Variants in DNAH6 observed in about 807,000 individuals in gnomAD.
The protein encoded by DNAH6 is axonemal beta dynein heavy chain 6.
A neutral mutation model predicts 491.4 loss-of-function variants in DNAH6; 340 were observed. The ratio of observed to expected loss-of-function variants is 0.69; its 90% CI spans 0.63 to 0.76. DNAH6 has a LOEUF of 0.76. Among genes scored for constraint, DNAH6 ranks in the 30% least tolerant of loss-of-function variants. The probability of loss-of-function intolerance (pLI) is 0.00; values close to 1 mark genes in which losing one functional copy is unlikely to be tolerated. For synonymous variants in DNAH6, 1,603 were observed against 1,686.1 expected (o/e 0.95, Z 1.21); for missense variants, 4,443 against 4,972.2 (o/e 0.89, Z 3.20).
At chr2:84,534,327 T>A (rs573479975) in intron 4 of DNAH6, among the ~76,000 whole-genome samples, 34 of 152,118 alleles carry the variant, frequency 2.2e-4, no homozygotes, top group South Asian at 8.3e-4. Context: ...TTTCTAATAT[T>A]TGTATGGTTA....
chr2:84,671,106 T>C (rs1443212322), intron 39 of DNAH6, among the ~76,000 whole-genome samples: 2 of 152,094 alleles, frequency 1.3e-5, no homozygotes, highest in Non-Finnish European at 2.9e-5. Context: ...TGTAGGAGGC[T>C]GGAGTATGCA....
chr2:84,733,439 A>G lies in DNAH6; in HGVS notation c.10207-5A>G. ...AATTATTATTCATTTTCTGTCTTCA[A>G]ACAGGAACGCCCACCTAAGCCTGAA... On this transcript the variant is annotated splice_polypyrimidine_tract_variant and splice_region_variant and intron_variant, in intron 61 of 76. Transcript: ENST00000389394. The G allele has an allele frequency of 6.5e-7, 1 of 1,549,282 alleles. No homozygotes were observed. The highest frequency in any genetic ancestry group is 1.2e-5 in the South Asian group (1 of 83,676).
At chr2:84,562,778 T>C (rs1386042256) in intron 11 of DNAH6, among the ~76,000 whole-genome samples, 1 of 152,180 alleles carries the variant, frequency 6.6e-6, no homozygotes, top group African/African-American at 2.4e-5. Flanking sequence ...AAGTGAAATA[T>C]CACCTAGCAG....
At position 84,694,265 on chromosome 2, in the gene DNAH6, C is replaced by T. The variant is rs1224956365; in HGVS notation, c.7309C>T (p.Arg2437Cys). 8 of 1,551,910 alleles carry T rather than the reference C, an allele frequency of 5.2e-6. No individual in the cohort carries two copies. Among genetic ancestry groups the T allele is most frequent in the East Asian group, 4.9e-5 (2 of 40,916 alleles). ...TGTTTGCAGGATTGCTCGGATGATA[C>T]GTCAAGAAAGAGGCAATGCCCTGCT... is the stretch of plus-strand genomic sequence containing the variant. ...EHVSRIARMI[R>C]QERGNALLVG... is the part of the protein sequence containing the mutation. Residue 2437 changes from arginine to cysteine, a missense_variant, in exon 46 of 77, where the codon CGT (arginine) becomes TGT (cysteine). Physicochemically the swap from Arg to Cys is radical, Grantham distance 180. This residue lies in a region of DNAH6 where 2,977 missense variants were observed against 3,296.6 expected (regional missense o/e 0.90). Transcript: ENST00000389394.
At chr2:84,657,612 T>C (rs1691100737) in intron 35 of DNAH6, among the ~76,000 whole-genome samples, 2 of 152,052 alleles carry the variant, frequency 1.3e-5, no homozygotes, top group South Asian at 4.1e-4. Context: ...TTCCAATTGC[T>C]CCTTGCTGGT....
chr2:84,636,617 A>AAAAC (rs1192741462), intron 30 of DNAH6, among the ~76,000 whole-genome samples: 1 of 152,212 alleles, frequency 6.6e-6, no homozygotes, highest in African/African-American at 2.4e-5. Flanking sequence ...GGTGGTGACA[A>AAAAC]AAACAGTGAC....
In DNAH6 at chr2:84,697,783, T is replaced by G. The variant is rs374433309; in HGVS notation, c.7677+56T>G. The G allele has an allele frequency of 4.3e-5, 66 of 1,541,016 alleles. 1 individual carries two copies. In the East Asian group the frequency reaches 4.7e-4, roughly 11 times the overall value. The stretch of plus-strand genomic sequence containing the variant: ...TATCACAAAAACGTTTCTTCACCTT[T>G]TATTTAACCATTCATTGATTGCCTG... On this transcript the variant is annotated intron_variant, in intron 47 of 76. Transcript: ENST00000389394.
intron 75 of DNAH6, 143 bp downstream of exon 75, chr2:84,814,265 T>G: frequency 2.6e-6 from 2 of 768,102 alleles, no homozygotes; most frequent in South Asian, 3.8e-5. Flanking sequence ...ACCTCCAAGA[T>G]AAGCTCCCCA....
rs187243535 is a variant in DNAH6 at position 84,579,730 on chromosome 2, G to A, written c.2229+51G>A. 7,416 of 1,448,270 alleles carry A rather than the reference G, an allele frequency of 5.1e-3. 28 individuals are homozygous for A. The highest frequency in any genetic ancestry group is 6.1e-3 in the Non-Finnish European group (6,610 of 1,083,098). 89.7% of individuals were successfully genotyped at this position (1,448,270 alleles called of 1,614,324 possible). On this transcript the variant is annotated intron_variant, in intron 14 of 76. Coordinates refer to ENST00000389394, the MANE Select transcript of DNAH6 (RefSeq NM_001370.2). Reference sequence around the variant, plus strand: ...AATATTCCAGATCTTATAGTAGGAAGGAAGACATAGGACAAGAAAAAGTGA... The same window carrying A: ...AATATTCCAGATCTTATAGTAGGAAAGAAGACATAGGACAAGAAAAAGTGA...
At chr2:84,666,473 G>T (rs1692138727) in intron 37 of DNAH6, among the ~76,000 whole-genome samples, 1 of 152,112 alleles carries the variant, frequency 6.6e-6, no homozygotes. Flanking sequence ...CAAACAGAGA[G>T]CCAAATCATG....
intron 46 of DNAH6, among the ~76,000 whole-genome samples, chr2:84,695,538 TAA>T (rs1695299111): frequency 6.6e-6 from 1 of 152,114 alleles, no homozygotes; most frequent in Non-Finnish European, 1.5e-5. Flanking sequence ...GTAATGTTTT[TAA>T]ATAATAATCT....
chr2:84,517,929 AGAG>A lies in DNAH6; in HGVS notation c.104_106del (p.Arg35_Val36delinsMet). On this transcript the variant is annotated inframe_deletion, in exon 2 of 77. Transcript: ENST00000389394. ...ACTGAATAATATAAAAGCCAAACAA[AGAG>A]TGAGTTATGTGACATCCACAGAAAA... The A allele has an allele frequency of 6.4e-7, 1 of 1,551,672 alleles. No homozygotes were observed. The highest frequency in any genetic ancestry group is 8.7e-7 in the Non-Finnish European group (1 of 1,146,986).
intron 3 of DNAH6, among the ~76,000 whole-genome samples, chr2:84,528,427 C>G (rs919881195): frequency 6.6e-6 from 1 of 152,146 alleles, no homozygotes; most frequent in Admixed American, 6.5e-5. Flanking sequence ...CTCAATATAA[C>G]CGCCCCTCAT....
chr2:84,713,221 A>G lies in DNAH6; in HGVS notation c.9505A>G (p.Met3169Val). The G allele has an allele frequency of 7.7e-6, 12 of 1,552,200 alleles. No individual in the cohort carries two copies. Among genetic ancestry groups the G allele is most frequent in the Non-Finnish European group, 1.0e-5 (12 of 1,147,090 alleles). ...TTATGACAAAAACTTTAGGTTCTAT[A>G]TGACAACCAAAATGCCAAATCCCCA... ...IDYDKNFRFY[M>V]TTKMPNPHYL... The change falls in exon 57 of 77, where the codon ATG becomes GTG. Residue 3169 changes from methionine (M) to valine (V), a missense_variant. By Grantham distance (21) the Met-to-Val change is conservative (BLOSUM62 1). Transcript: ENST00000389394.
rs188053904 is a variant in DNAH6 at position 84,764,107 on chromosome 2, C to T, written c.10703+1162C>T. On this transcript the variant is annotated intron_variant, in intron 64 of 76. Transcript: ENST00000389394. ...CTATTAATTGAAATGCTAATCTCAC[C>T]CAGAAACACCCTTACAGATATATCC... Among the ~76,000 whole-genome samples, 5 of 152,164 alleles carry T rather than the reference C, an allele frequency of 3.3e-5. No individual in the cohort carries two copies. The East Asian group carries it at 9.7e-4, about 29-fold the overall frequency.
chr2:84,709,298 T>C (rs1246320795), intron 54 of DNAH6, 45 bp from the exon 55 acceptor site: 3 of 1,543,980 alleles, frequency 1.9e-6, no homozygotes, highest in Non-Finnish European at 1.8e-6. Context: ...CCTCGTTTAC[T>C]GAGTGTTCCT....
In DNAH6 at chr2:84,627,279, G is replaced by A. The variant is rs191492136; in HGVS notation, c.4515+2216G>A. Among the ~76,000 whole-genome samples, 6 of 152,152 alleles carry A rather than the reference G, an allele frequency of 3.9e-5. No homozygotes were observed. The East Asian group carries it at 1.2e-3, about 29-fold the overall frequency. ...TTCTAGAGTAGATTCAGCTGCCACTGTTTTTTGTATTTCAGTTTTGCGTCT... is the reference window on the plus strand; with the variant it reads ...TTCTAGAGTAGATTCAGCTGCCACTATTTTTTGTATTTCAGTTTTGCGTCT... On this transcript the variant is annotated intron_variant, in intron 29 of 76. Coordinates refer to ENST00000389394, the MANE Select transcript of DNAH6 (RefSeq NM_001370.2).
chr2:84,717,749 C>A (rs1697683778), intron 58 of DNAH6, among the ~76,000 whole-genome samples: 1 of 152,136 alleles, frequency 6.6e-6, no homozygotes, highest in Non-Finnish European at 1.5e-5. Flanking sequence ...GGAGGTAAGG[C>A]TCCTTTCTCA....
At chr2:84,615,383 A>T (rs1291289048) in intron 22 of DNAH6, among the ~76,000 whole-genome samples, 1 of 152,002 alleles carries the variant, frequency 6.6e-6, no homozygotes, top group South Asian at 2.1e-4. Flanking sequence ...ATTCTGTTCC[A>T]TTGGTCTATA....
Sources: gnomAD v4.1 joint callset for allele counts (sites outside exome capture counted in the v4.1 genomes callset) on GRCh38, gnomAD v4.1.1 for gene constraint, gnomAD v4.1.1 regional missense constraint, MANE v1.5 for transcripts, NCBI Gene and HGNC (gene_info 2026-07-23, HGNC 2026-07-21) for gene names.